Variants in ZNF385D observed in about 807,000 individuals in gnomAD.
ZNF385D encodes the protein zinc finger protein 385D.
A neutral mutation model predicts 35.8 loss-of-function variants in ZNF385D; 15 were observed. The ratio of observed to expected loss-of-function variants is 0.42; its 90% CI spans 0.28 to 0.64. The LOEUF (loss-of-function observed/expected upper bound fraction) is 0.64, where lower values mean the gene tolerates loss of function less well. Among genes scored for constraint, ZNF385D ranks in the 30% least tolerant of loss-of-function variants. ZNF385D has a pLI of 0.23. For missense variants in ZNF385D, 474 were observed against 494.6 expected (o/e 0.96, Z 0.39); for synonymous variants, 212 against 186.8 (o/e 1.13, Z -1.10).
intron 2 of ZNF385D, among the ~76,000 whole-genome samples, chr3:21,577,847 T>A (rs2063539759): frequency 6.6e-6 from 1 of 151,150 alleles, no homozygotes; most frequent in African/African-American, 2.4e-5. Flanking sequence ...TCTCACTCCA[T>A]TGCCCAGGTT....
chr3:21,758,877 T>C (rs1291395450), intron 3 of ZNF385D, among the ~76,000 whole-genome samples: 1 of 142,190 alleles, frequency 7.0e-6, no homozygotes, highest in Non-Finnish European at 1.5e-5. Context: ...TAACCAAAAA[T>C]AGATGGACAC....
intron 3 of ZNF385D, among the ~76,000 whole-genome samples, chr3:21,805,306 T>A (rs2072591551): frequency 6.7e-6 from 1 of 150,322 alleles, no homozygotes; most frequent in South Asian, 2.1e-4. Flanking sequence ...CTTGTAAATG[T>A]GGGTGTTTAG....
chr3:21,582,339 A>T (rs1220222161), intron 2 of ZNF385D, among the ~76,000 whole-genome samples: 2 of 152,194 alleles, frequency 1.3e-5, no homozygotes, highest in Non-Finnish European at 2.9e-5. Context: ...ACTAAACCAG[A>T]GCAACTTGAA....
intron 3 of ZNF385D, among the ~76,000 whole-genome samples, chr3:22,023,281 C>T (rs777291126): frequency 1.4e-4 from 22 of 152,152 alleles, no homozygotes; most frequent in Non-Finnish European, 2.9e-4. Context: ...CCTCAACTCA[C>T]ATTTATGCTT....
At chr3:22,073,757 T>C (rs1279964590) in intron 3 of ZNF385D, among the ~76,000 whole-genome samples, 1 of 152,000 alleles carries the variant, frequency 6.6e-6, no homozygotes, top group East Asian at 1.9e-4. Context: ...AATTGAAGAA[T>C]ACATTTGGAT....
intron 2 of ZNF385D, among the ~76,000 whole-genome samples, chr3:22,221,916 G>A (rs149519191): frequency 6.6e-6 from 1 of 152,158 alleles, no homozygotes; most frequent in East Asian, 1.9e-4. Context: ...AATGCATACA[G>A]AGAAACCATA....
intron 3 of ZNF385D, among the ~76,000 whole-genome samples, chr3:21,912,215 C>A (rs1699996080): frequency 6.6e-6 from 1 of 151,728 alleles, no homozygotes; most frequent in Non-Finnish European, 1.5e-5. Context: ...ATTATTCAGC[C>A]CAGACCCTAA....
intron 3 of ZNF385D, among the ~76,000 whole-genome samples, chr3:21,549,854 C>T (rs1187163850): frequency 6.6e-6 from 1 of 152,184 alleles, no homozygotes; most frequent in Non-Finnish European, 1.5e-5. Flanking sequence ...AAGTGTGTCC[C>T]TCAGAAGATC....
At chr3:22,111,928 C>T (rs1366786021) in intron 3 of ZNF385D, among the ~76,000 whole-genome samples, 1 of 152,084 alleles carries the variant, frequency 6.6e-6, no homozygotes, top group Non-Finnish European at 1.5e-5. Context: ...AGTTCCAGTG[C>T]TGGCTTGTCT....
chr3:21,997,105 C>T (rs1389074020), intron 3 of ZNF385D, among the ~76,000 whole-genome samples: 1 of 151,722 alleles, frequency 6.6e-6, no homozygotes, highest in Non-Finnish European at 1.5e-5. Flanking sequence ...ACCCAAATGT[C>T]CATCAATGAT....
chr3:21,998,425 A>G (rs1210377269), intron 3 of ZNF385D, among the ~76,000 whole-genome samples: 2 of 152,228 alleles, frequency 1.3e-5, no homozygotes, highest in African/African-American at 4.8e-5. Flanking sequence ...TCAAAATTCC[A>G]TCTTTACTTT....
At chr3:21,475,637 T>C (rs952775221) in intron 4 of ZNF385D, among the ~76,000 whole-genome samples, 4 of 152,134 alleles carry the variant, frequency 2.6e-5, no homozygotes, top group Non-Finnish European at 5.9e-5. Context: ...CTTAATTTTT[T>C]AATATGAGCC....
chr3:22,327,418 T>C (rs1694729388), intron 2 of ZNF385D, among the ~76,000 whole-genome samples: 2 of 152,130 alleles, frequency 1.3e-5, no homozygotes, highest in Admixed American at 1.3e-4. Flanking sequence ...TCCATGGGCC[T>C]ACATTAACTA....
intron 3 of ZNF385D, among the ~76,000 whole-genome samples, chr3:21,817,102 A>C (rs1252113949): frequency 1.3e-5 from 2 of 152,226 alleles, no homozygotes; most frequent in Non-Finnish European, 2.9e-5. Context: ...CCTATTTAAT[A>C]AATGGTGCTG....
upstream of ZNF385D, chr3:21,751,213 G>C (rs1019127262): frequency 1.4e-5 from 18 of 1,317,690 alleles, no homozygotes; most frequent in East Asian, 3.4e-5. Flanking sequence ...TCAGGACTGA[G>C]AGTACTACAA....
At chr3:21,848,389 T>C (rs543455966) in intron 3 of ZNF385D, among the ~76,000 whole-genome samples, 1 of 151,850 alleles carries the variant, frequency 6.6e-6, no homozygotes, top group African/African-American at 2.4e-5. Flanking sequence ...GAGTATGTGG[T>C]AGGAAATAAT....
chr3:21,884,456 T>C (rs1698437982), intron 3 of ZNF385D, among the ~76,000 whole-genome samples: 1 of 152,050 alleles, frequency 6.6e-6, no homozygotes, highest in South Asian at 2.1e-4. Flanking sequence ...ATTAAGTTGG[T>C]TCTTGACCTT....
intron 2 of ZNF385D, among the ~76,000 whole-genome samples, chr3:22,276,243 G>A (rs539847803): frequency 6.6e-6 from 1 of 152,190 alleles, no homozygotes; most frequent in South Asian, 2.1e-4. Flanking sequence ...CTAGGATCCA[G>A]TCTTCAGCAA....
intron 3 of ZNF385D, among the ~76,000 whole-genome samples, chr3:21,938,873 T>G (rs867415453): frequency 9.2e-5 from 14 of 152,242 alleles, no homozygotes; most frequent in African/African-American, 3.4e-4. Flanking sequence ...TACTTTAATT[T>G]TATTCGTTAC....
Sources: allele counts gnomAD v4.1 joint callset (sites outside exome capture counted in the v4.1 genomes callset), GRCh38; gene constraint gnomAD v4.1.1; transcripts MANE v1.5; gene names NCBI Gene and HGNC (gene_info 2026-07-23, HGNC 2026-07-21).